Variants in ABCC4 observed in about 807,000 individuals in gnomAD.
The protein encoded by ABCC4 is ATP binding cassette subfamily C member 4 (PEL blood group).
Under a neutral mutation model 168.5 loss-of-function variants are expected in ABCC4, and 102 were observed. That is an observed-to-expected ratio of 0.61 (90% CI 0.52 to 0.71). The LOEUF is 0.71. Among genes scored for constraint, ABCC4 ranks in the 30% least tolerant of loss-of-function variants. The pLI, the probability that ABCC4 is intolerant of heterozygous loss-of-function variation, is 0.00. For synonymous variants in ABCC4, 617 were observed against 590.7 expected, an observed-to-expected ratio of 1.04 and a Z score of -0.65; for missense variants, 1,402 against 1,605.8, an observed-to-expected ratio of 0.87 and a Z score of 2.17.
chr13:95,179,528 T>TA (rs1566497334), intron 11 of ABCC4, among the ~76,000 whole-genome samples: 4 of 152,196 alleles, frequency 2.6e-5, no homozygotes, highest in Non-Finnish European at 5.9e-5. Context: ...AATACTTTTT[T>TA]TAAAAAACAT....
intron 3 of ABCC4, 96 bp downstream of exon 3, chr13:95,246,879 C>T: frequency 1.4e-6 from 2 of 1,414,388 alleles, no homozygotes; most frequent in Non-Finnish European, 1.9e-6. Flanking sequence ...GCCACTTCTC[C>T]CTTCTGTTCC....
intron 19 of ABCC4, among the ~76,000 whole-genome samples, chr13:95,136,227 T>C (rs987463403): frequency 1.1e-4 from 16 of 152,208 alleles, no homozygotes; most frequent in Admixed American, 2.6e-4. Context: ...AAAGTGAGTA[T>C]AGTGGTGCAA....
In ABCC4 at chr13:95,188,487, A is replaced by G; in HGVS notation, c.1319T>C (p.Leu440Ser). ...TCCCACGGGGCCGACCACAGCTAAC[A>G]ATTCGCCAGGTCTGACAGTAAAGGA... ...GLSFTVRPGE[L>S]LAVVGPVGAG... Residue 440 changes from leucine (L) to serine (S), a missense_variant, in exon 10 of 31, where the codon TTG becomes TCG. By Grantham distance (145) the Leu-to-Ser change is moderately radical. Around this residue, in one of 3 missense-constraint regions of ABCC4, gnomAD observed 1,007 missense variants for 1,127.3 expected, o/e 0.89. Transcript: ENST00000645237. 1 of 1,614,078 alleles carries G rather than the reference A, an allele frequency of 6.2e-7. No individual in the cohort carries two copies. The highest frequency in any genetic ancestry group is 8.5e-7 in the Non-Finnish European group (1 of 1,179,990).
chr13:95,270,866 C>A (rs1383858112), intron 1 of ABCC4, among the ~76,000 whole-genome samples: 1 of 152,082 alleles, frequency 6.6e-6, no homozygotes, highest in Non-Finnish European at 1.5e-5. Flanking sequence ...GAGGCCGAGG[C>A]GAGACGATTA....
rs183409976 is a variant in ABCC4, at chr13:95,057,970, C to T, written c.3366+4734G>A. 5.3e-4 allele frequency among the ~76,000 whole-genome samples: 81 copies of T among 152,278 alleles called. No homozygotes were observed. In the Middle Eastern group the frequency reaches 0.014, roughly 26 times the overall value. The stretch of plus-strand genomic sequence containing the variant: ...CCTTCATGCAACCTCAAGTCTCCAG[C>T]CTTCTCCACCCTCTGCAGCCAGCGA... On this transcript the variant is annotated intron_variant, in intron 26 of 30. Coordinates refer to ENST00000645237, the MANE Select transcript of ABCC4 (RefSeq NM_005845.5).
At chr13:95,087,945 TAAAC>T (rs1459454743) in intron 20 of ABCC4, among the ~76,000 whole-genome samples, 1 of 152,214 alleles carries the variant, frequency 6.6e-6, no homozygotes, top group Non-Finnish European at 1.5e-5. Flanking sequence ...TGACAAGATC[TAAAC>T]AAACATTCTC....
chr13:95,044,158 T>C (rs2139242939), intron 28 of ABCC4, 108 bp downstream of exon 28: 1 of 1,123,696 alleles, frequency 8.9e-7, no homozygotes, highest in South Asian at 1.9e-5. Context: ...TAAAATGTTA[T>C]GTCTGGGGCA....
At chr13:95,066,879 T>C (rs1658544838) in intron 25 of ABCC4, among the ~76,000 whole-genome samples, 1 of 152,234 alleles carries the variant, frequency 6.6e-6, no homozygotes, top group Non-Finnish European at 1.5e-5. Context: ...ATACTGGTCC[T>C]ATTGTCATAC....
chr13:95,064,252 GTGTGTGTGTATATATA>G (rs1474384154), intron 25 of ABCC4, among the ~76,000 whole-genome samples: 5,794 of 117,964 alleles, frequency 0.049, 318 homozygotes, highest in South Asian at 0.16. Context: ...CCGGGTGTGT[GTGTGTGTGTATATATA>G]TATATATATA....
At chr13:95,270,659 A>G (rs369764808) in intron 1 of ABCC4, among the ~76,000 whole-genome samples, 6 of 152,278 alleles carry the variant, frequency 3.9e-5, no homozygotes, top group African/African-American at 1.4e-4. Flanking sequence ...TCTGATACTA[A>G]GTCTGGGACA....
intron 1 of ABCC4, among the ~76,000 whole-genome samples, chr13:95,272,599 C>T (rs2040872580): frequency 6.6e-6 from 1 of 152,016 alleles, no homozygotes; most frequent in Non-Finnish European, 1.5e-5. Context: ...TAGTACTAAA[C>T]ATGTGGGGCC....
At chr13:95,089,772 T>C (rs529140403) in intron 20 of ABCC4, among the ~76,000 whole-genome samples, 1 of 151,284 alleles carries the variant, frequency 6.6e-6, no homozygotes, top group East Asian at 1.9e-4. Context: ...ATCATATAAA[T>C]AGTGGCAAGA....
At chr13:95,167,706 T>G (rs962805920) in intron 14 of ABCC4, among the ~76,000 whole-genome samples, 1 of 152,172 alleles carries the variant, frequency 6.6e-6, no homozygotes, top group Non-Finnish European at 1.5e-5. Context: ...AAACTCCTAC[T>G]GGTACTGAGA....
chr13:95,243,351 A>T (rs935340459), intron 3 of ABCC4, among the ~76,000 whole-genome samples: 9 of 151,976 alleles, frequency 5.9e-5, no homozygotes, highest in Admixed American at 5.2e-4. Flanking sequence ...AACTGCAGAG[A>T]TATCATTGCT....
chr13:95,064,513 A>G (rs78997320), intron 25 of ABCC4, among the ~76,000 whole-genome samples: 1 of 148,588 alleles, frequency 6.7e-6, no homozygotes, highest in Admixed American at 6.7e-5. Context: ...GTATGTGTGT[A>G]TGTGTGTGTG....
At chr13:95,038,733 CT>C in intron 29 of ABCC4, among the ~76,000 whole-genome samples, 1 of 152,272 alleles carries the variant, frequency 6.6e-6, no homozygotes, top group Non-Finnish European at 1.5e-5. Flanking sequence ...CCCATGCACA[CT>C]GCCTAAAAGT....
intron 20 of ABCC4, among the ~76,000 whole-genome samples, chr13:95,112,387 A>T (rs2035235154): frequency 6.6e-6 from 1 of 152,068 alleles, no homozygotes; most frequent in South Asian, 2.1e-4. Context: ...GATAAATGCA[A>T]CTACATTATT....
At chr13:95,201,971 CAAAAG>C in intron 8 of ABCC4, among the ~76,000 whole-genome samples, 1 of 151,718 alleles carries the variant, frequency 6.6e-6, no homozygotes, top group South Asian at 2.1e-4. Context: ...AGACTCATCT[CAAAAG>C]AAAAAAAAGA....
At chr13:95,219,192 C>G (rs1036285039) in intron 4 of ABCC4, among the ~76,000 whole-genome samples, 3 of 152,232 alleles carry the variant, frequency 2.0e-5, no homozygotes, top group Non-Finnish European at 2.9e-5. Context: ...GGGGCCACAT[C>G]CCCCCACCAT....
Sources: allele counts gnomAD v4.1 joint callset (sites outside exome capture counted in the v4.1 genomes callset), GRCh38; gene constraint gnomAD v4.1.1; regional missense constraint gnomAD v4.1.1; transcripts MANE v1.5; gene names NCBI Gene and HGNC (gene_info 2026-07-23, HGNC 2026-07-21).